The following NOD2 variants were observed in gnomAD, a reference collection of about 807,000 sequenced individuals.
NOD2 encodes nucleotide binding oligomerization domain containing 2.
NOD2 carries 86 observed loss-of-function variants against 90.9 expected under a neutral mutation model. The observed-to-expected ratio is 0.95, with a 90% CI of 0.79 to 1.13. The LOEUF (loss-of-function observed/expected upper bound fraction) is 1.13. Ranked by LOEUF, NOD2 falls within the 50% of genes most tolerant of loss-of-function variation. The probability of loss-of-function intolerance (pLI) is 0.00; values close to 1 mark genes in which losing one functional copy is unlikely to be tolerated. For synonymous variants in NOD2, 581 were observed against 554.6 expected (o/e 1.05, Z -0.67); for missense variants, 1,238 against 1,283.8 (o/e 0.96, Z 0.55).
In NOD2 at chr16:50,710,538, C is replaced by T; in HGVS notation, c.566-20C>T. On this transcript the variant is annotated intron_variant, in intron 3 of 11. Transcript: ENST00000647318. ...TTCACCATGGTGCCACCTTCATCTG[C>T]CTCTTCTTCTGCCTTCCAGCTGCCA... The T allele has an allele frequency of 1.2e-6, 2 of 1,614,128 alleles. No homozygotes were observed.
intron 2 of NOD2, among the ~76,000 whole-genome samples, chr16:50,706,890 G>A (rs967082466): frequency 6.6e-6 from 1 of 151,944 alleles, no homozygotes. Context: ...TAGTGATGGG[G>A]TTTCACCATG....
At chr16:50,718,601 G>A (rs927863119) in intron 6 of NOD2, among the ~76,000 whole-genome samples, 1 of 152,200 alleles carries the variant, frequency 6.6e-6, no homozygotes, top group African/African-American at 2.4e-5. Context: ...AGGCTCTGGA[G>A]CCAGACTGCC....
chr16:50,698,966 T>C (rs1398694857), intron 1 of NOD2, among the ~76,000 whole-genome samples: 1 of 151,630 alleles, frequency 6.6e-6, no homozygotes, highest in Non-Finnish European at 1.5e-5. Flanking sequence ...CTTGCTCTCT[T>C]GCCCAGGCTG....
chr16:50,723,457 G>T, intron 9 of NOD2, 73 bp downstream of exon 9: 1 of 1,364,956 alleles, frequency 7.3e-7, no homozygotes. Flanking sequence ...TCATCCATAG[G>T]AGCGGTTGTG....
intron 8 of NOD2, among the ~76,000 whole-genome samples, chr16:50,723,054 A>G (rs12920558): frequency 6.7e-6 from 1 of 148,800 alleles, no homozygotes; most frequent in Non-Finnish European, 1.5e-5. Flanking sequence ...AAAGAAGAGC[A>G]CTATAATCAA....
At chr16:50,730,057 C>T (rs1965401347) in intron 11 of NOD2, 156 bp downstream of exon 11, 3 of 640,438 alleles carry the variant, frequency 4.7e-6, no homozygotes, top group Non-Finnish European at 8.7e-6. Context: ...ATCTGATTCT[C>T]TGTCTAAGAA....
Position 50,725,361 on chromosome 16 carries a change from A to G in NOD2, c.2802-128A>G. On this transcript the variant is annotated intron_variant, in intron 9 of 11. Transcript: ENST00000647318. ...ATTGAGAATCCCCACAACGTACTTT[A>G]TCTGTTCTTTCTTTATCCATGAGTT... 3 of 708,852 alleles carry G rather than the reference A, an allele frequency of 4.2e-6. No individual in the cohort carries two copies. The East Asian group carries it at 7.9e-5, about 19-fold the overall frequency. The allele number at this position is 708,852 out of a possible 1,614,324, so 43.9% of individuals were successfully genotyped here.
At chr16:50,702,225 C>A (rs1049529799) in intron 2 of NOD2, among the ~76,000 whole-genome samples, 4 of 152,170 alleles carry the variant, frequency 2.6e-5, no homozygotes, top group African/African-American at 9.7e-5. Flanking sequence ...TGAGCCACTG[C>A]GCCCATCTAA....
At chr16:50,726,358 GAGAC>G (rs377623753) in intron 10 of NOD2, among the ~76,000 whole-genome samples, 3 of 152,200 alleles carry the variant, frequency 2.0e-5, no homozygotes, top group Admixed American at 6.5e-5. Flanking sequence ...CTTGCCTTTA[GAGAC>G]AGACAGACAG....
chr16:50,719,546 A>C (rs1964948276), intron 6 of NOD2, among the ~76,000 whole-genome samples: 1 of 152,106 alleles, frequency 6.6e-6, no homozygotes, highest in Non-Finnish European at 1.5e-5. Flanking sequence ...GCAACAACAG[A>C]TCTGGGAAGG....
chr16:50,717,462 T>C (rs1964851510), intron 6 of NOD2, among the ~76,000 whole-genome samples: 2 of 152,208 alleles, frequency 1.3e-5, no homozygotes, highest in Admixed American at 1.3e-4. Context: ...CAGGAGTCTC[T>C]CTCTCTCCTA....
intron 4 of NOD2, among the ~76,000 whole-genome samples, chr16:50,715,373 G>A (rs1403555133): frequency 6.6e-6 from 1 of 151,770 alleles, no homozygotes; most frequent in African/African-American, 2.4e-5. Flanking sequence ...GTGCTCACAA[G>A]GCTTTATGTG....
At chr16:50,694,837 G>A (rs2150772398) in intron 1 of NOD2, among the ~76,000 whole-genome samples, 1 of 152,258 alleles carries the variant, frequency 6.6e-6, no homozygotes, top group East Asian at 1.9e-4. Context: ...AGAAAGGAAT[G>A]GACAGCAATG....
intron 2 of NOD2, among the ~76,000 whole-genome samples, chr16:50,704,959 T>C (rs892433191): frequency 2.6e-5 from 4 of 152,256 alleles, no homozygotes; most frequent in Non-Finnish European, 5.9e-5. Context: ...GAAACTTCTC[T>C]ATGTTTTGGG....
chr16:50,719,961 A>G lies in NOD2; in HGVS notation c.2586A>G (p.Gln862=), dbSNP rs764244331. 6.2e-7 allele frequency: 1 copy of G among 1,614,194 alleles called. No homozygotes were observed. Among genetic ancestry groups the G allele is most frequent in the South Asian group, 1.1e-5 (1 of 91,082 alleles). The change falls in exon 7 of 12, where the codon CAA becomes CAG. Residue 862 remains glutamine, a synonymous_variant. Coordinates refer to ENST00000647318, the MANE Select transcript of NOD2 (RefSeq NM_001370466.1). The stretch of plus-strand genomic sequence containing the variant: ...ACTACATCACTGCCGCGGGAGCCCA[A>G]GTGCTGGCCGAGGGGCTCCGAGGCA... ...GNNYITAAGA[Q]VLAEGLRGNT...
intron 2 of NOD2, among the ~76,000 whole-genome samples, chr16:50,705,844 G>A (rs562283510): frequency 1.4e-4 from 21 of 152,308 alleles, no homozygotes; most frequent in Non-Finnish European, 2.5e-4. Flanking sequence ...TCTTCTAGGT[G>A]TTAGGGATAC....
In NOD2 at chr16:50,712,216, T is replaced by C; in HGVS notation, c.2224T>C (p.Leu742=). Residue 742 remains leucine (L), a synonymous_variant, in exon 4 of 12, where the codon TTG becomes CTG. Coordinates refer to ENST00000647318, the MANE Select transcript of NOD2 (RefSeq NM_001370466.1). The stretch of plus-strand genomic sequence containing the variant: ...TGGCCTGAATGTTGGGCACCTCAAG[T>C]TGACATTTTGCAGTGTGGGCCCCAC... ...ARGLNVGHLK[L]TFCSVGPTEC... 6.2e-7 allele frequency: 1 copy of C among 1,613,920 alleles called. No homozygotes were observed. The highest frequency in any genetic ancestry group is 1.1e-5 in the South Asian group (1 of 91,086).
intron 1 of NOD2, chr16:50,697,196 G>C (rs772850820): frequency 6.7e-7 from 1 of 1,497,276 alleles, no homozygotes; most frequent in Admixed American, 2.0e-5. Flanking sequence ...TTCTGCACAA[G>C]GCCTACCCGC....
intron 1 of NOD2, among the ~76,000 whole-genome samples, chr16:50,699,052 T>G (rs1963800075): frequency 1.3e-5 from 2 of 151,992 alleles, no homozygotes; most frequent in African/African-American, 4.8e-5. Context: ...CTCAGCCTCC[T>G]GAGTAGCTGG....
Sources: allele counts gnomAD v4.1 joint callset (sites outside exome capture counted in the v4.1 genomes callset), GRCh38; gene constraint gnomAD v4.1.1; transcripts MANE v1.5; gene names NCBI Gene and HGNC (gene_info 2026-07-23, HGNC 2026-07-21).